The following ISY1 variants were observed in gnomAD, a reference collection of about 807,000 sequenced individuals.
ISY1 encodes ISY1 spliceosome associated protein.
In ISY1, 12 loss-of-function variants were observed where a neutral mutation model predicts 54.4. The observed-to-expected ratio is 0.22, with a 90% CI of 0.14 to 0.36. ISY1 has a LOEUF of 0.36. Among genes scored for constraint, ISY1 ranks in the 10% least tolerant of loss-of-function variants. ISY1 has a pLI of 1.00. For synonymous variants in ISY1, 96 were observed against 117.9 expected (o/e 0.81, Z 1.20); for missense variants, 282 against 342.2 (o/e 0.82, Z 1.39).
At chr3:129,154,979 C>T (rs1049391605) in intron 5 of ISY1, among the ~76,000 whole-genome samples, 3 of 152,004 alleles carry the variant, frequency 2.0e-5, no homozygotes, top group African/African-American at 7.2e-5. Context: ...TGAGCCACCA[C>T]GCCCAGCAAT....
At chr3:129,158,302 C>T (rs1211352337) in intron 3 of ISY1, among the ~76,000 whole-genome samples, 2 of 151,300 alleles carry the variant, frequency 1.3e-5, no homozygotes, top group East Asian at 1.9e-4. Flanking sequence ...TACAGGCAGG[C>T]GCCACCATGC....
At chr3:129,153,241 C>T (rs1937030596) in intron 5 of ISY1, among the ~76,000 whole-genome samples, 1 of 151,940 alleles carries the variant, frequency 6.6e-6, no homozygotes, top group East Asian at 1.9e-4. Context: ...AACTCCTAAC[C>T]TCAGGTGATC....
chr3:129,145,264 G>A lies in ISY1; in HGVS notation c.300+497C>T, dbSNP rs570620396. ...TTTGAAGACAGAATCTTACTCTGTCGCCCAGGCTGGAGTGCAGTGGCGATC... is the reference window on the plus strand; with the variant it reads ...TTTGAAGACAGAATCTTACTCTGTCACCCAGGCTGGAGTGCAGTGGCGATC... On this transcript the variant is annotated intron_variant, in intron 6 of 10. Transcript: ENST00000393295. 8.1e-4 allele frequency among the ~76,000 whole-genome samples: 117 copies of A among 145,060 alleles called. 1 individual carries two copies. The highest frequency in any genetic ancestry group is 2.7e-3 in the African/African-American group (104 of 38,926).
intron 9 of ISY1, among the ~76,000 whole-genome samples, chr3:129,131,214 T>C (rs1936229991): frequency 6.6e-6 from 1 of 152,162 alleles, no homozygotes; most frequent in East Asian, 1.9e-4. Flanking sequence ...GAACCTCTCA[T>C]CCACTGCTGG....
chr3:129,141,492 C>T (rs939862355), intron 6 of ISY1, among the ~76,000 whole-genome samples: 2 of 149,042 alleles, frequency 1.3e-5, no homozygotes, highest in African/African-American at 5.0e-5. Context: ...CAGTGGCTCA[C>T]GCCTGTAATC....
chr3:129,140,864 TG>T (rs1295307372), intron 6 of ISY1, among the ~76,000 whole-genome samples: 1 of 151,344 alleles, frequency 6.6e-6, no homozygotes, highest in Non-Finnish European at 1.5e-5. Context: ...CCACTGCGCC[TG>T]GCAGATCTGA....
intron 6 of ISY1, among the ~76,000 whole-genome samples, chr3:129,144,744 C>T (rs1191464555): frequency 6.6e-6 from 1 of 151,994 alleles, no homozygotes; most frequent in African/African-American, 2.4e-5. Flanking sequence ...GTGTGTTTTA[C>T]AATGAGCCAT....
rs1936172087 is a variant in ISY1 at position 129,129,237 on chromosome 3, TA to T, written c.*843del. 6.6e-6 allele frequency: 1 copy of T among 152,196 alleles called. No homozygotes were observed. Among genetic ancestry groups the T allele is most frequent in the Admixed American group, 6.5e-5 (1 of 15,274 alleles). 9.4% of individuals were successfully genotyped at this position (152,196 alleles called of 1,614,324 possible). A position where few individuals can be genotyped will look rare whatever the true frequency, so the allele number is the denominator to read the frequency against. ...AAATAGGTTTCTGCAGAACAGGTTA[TA>T]AAACAGGAATAGCAAACTCAAATTC... On this transcript the variant is annotated 3_prime_UTR_variant, in exon 11 of 11. Coordinates refer to ENST00000393295, the MANE Select transcript of ISY1 (RefSeq NM_020701.4).
chr3:129,133,607 T>C (rs1292722115), intron 9 of ISY1, among the ~76,000 whole-genome samples: 1 of 152,182 alleles, frequency 6.6e-6, no homozygotes, highest in Non-Finnish European at 1.5e-5. Flanking sequence ...GGCAGAAGAA[T>C]TGCTTGAACC....
chr3:129,149,604 AAAAAAAAT>A (rs1936879433), intron 5 of ISY1, among the ~76,000 whole-genome samples: 1 of 87,774 alleles, frequency 1.1e-5, no homozygotes, highest in South Asian at 3.8e-4. Context: ...AAAAAAAAAA[AAAAAAAAT>A]ATATATATAT....
At chr3:129,135,896 T>C (rs955484017) in intron 7 of ISY1, among the ~76,000 whole-genome samples, 3 of 152,126 alleles carry the variant, frequency 2.0e-5, no homozygotes, top group African/African-American at 7.2e-5. Flanking sequence ...AGAATATGTA[T>C]GGGATGGGAT....
At chr3:129,152,846 A>G (rs1486228751) in intron 5 of ISY1, among the ~76,000 whole-genome samples, 1 of 152,180 alleles carries the variant, frequency 6.6e-6, no homozygotes, top group Non-Finnish European at 1.5e-5. Flanking sequence ...AATTCACAAA[A>G]TGAGTTACAA....
intron 6 of ISY1, among the ~76,000 whole-genome samples, chr3:129,143,880 T>C (rs897704130): frequency 1.2e-4 from 18 of 152,176 alleles, no homozygotes; most frequent in African/African-American, 3.4e-4. Context: ...TGTAATGGGA[T>C]TGTGACTGAG....
At chr3:129,152,773 G>A (rs966327904) in intron 5 of ISY1, among the ~76,000 whole-genome samples, 1 of 152,128 alleles carries the variant, frequency 6.6e-6, no homozygotes, top group Non-Finnish European at 1.5e-5. Flanking sequence ...AGGAAATATT[G>A]TCAGTAGTTA....
At chr3:129,142,921 G>A (rs918749719) in intron 6 of ISY1, among the ~76,000 whole-genome samples, 2 of 152,024 alleles carry the variant, frequency 1.3e-5, no homozygotes, top group Non-Finnish European at 2.9e-5. Flanking sequence ...TGGGCGTGGT[G>A]GTGGGCACCT....
chr3:129,160,917 C>CGCCCCGGGGGGGGGGG, intron 1 of ISY1, 56 bp downstream of exon 1: 1 of 668,474 alleles, frequency 1.5e-6, no homozygotes, highest in Non-Finnish European at 2.7e-6. Flanking sequence ...GTGGACTGGG[C>CGCCCCGGGGGGGGGGG]GCCCCCCCGC....
intron 6 of ISY1, among the ~76,000 whole-genome samples, chr3:129,141,569 A>G (rs1936615753): frequency 6.6e-6 from 1 of 152,048 alleles, no homozygotes; most frequent in Non-Finnish European, 1.5e-5. Flanking sequence ...CCTGGCTAAC[A>G]TGGTGAAACC....
chr3:129,134,874 C>T lies in ISY1; in HGVS notation c.499G>A (p.Asp167Asn). ...TGTTCCAAAGGCACAATAACACCAT[C>T]ATCTTCATCTAGGTAACCATAGTAC... is the stretch of plus-strand genomic sequence containing the variant. ...FEYYGYLDEDDGVIVPLEQEY... is the reference protein window; with the variant it reads ...FEYYGYLDEDNGVIVPLEQEY... The change falls in exon 8 of 11, where the codon GAT (aspartate) becomes AAT (asparagine). Residue 167 changes from aspartate to asparagine, a missense_variant. By Grantham distance (23) the Asp-to-Asn change is conservative (BLOSUM62 1). Transcript: ENST00000393295. 1 of 1,611,358 alleles carries T rather than the reference C, an allele frequency of 6.2e-7. No individual in the cohort carries two copies. The highest frequency in any genetic ancestry group is 8.5e-7 in the Non-Finnish European group (1 of 1,178,100).
chr3:129,130,454 T>C (rs2107598263), intron 10 of ISY1, 96 bp downstream of exon 10: 1 of 1,468,222 alleles, frequency 6.8e-7, no homozygotes, highest in Middle Eastern at 1.8e-4. Flanking sequence ...GCTGCCCTGA[T>C]GGGTAGGAAG....
Sources: gnomAD v4.1 joint callset for allele counts (sites outside exome capture counted in the v4.1 genomes callset) on GRCh38, gnomAD v4.1.1 for gene constraint, MANE v1.5 for transcripts, NCBI Gene and HGNC (gene_info 2026-07-23, HGNC 2026-07-21) for gene names.